The following GPHN variants were observed in gnomAD, a reference collection of about 807,000 sequenced individuals.
GPHN encodes the protein gephyrin.
A neutral mutation model predicts 95.5 loss-of-function variants in GPHN; 17 were observed. The ratio of observed to expected loss-of-function variants is 0.18; its 90% CI spans 0.12 to 0.27. GPHN has a LOEUF of 0.27. GPHN is among the 10% of genes least tolerant of loss of function. The pLI is 1.00. For missense variants in GPHN, 660 were observed against 978.1 expected (o/e 0.67, Z 4.34); for synonymous variants, 320 against 322.5 (o/e 0.99, Z 0.08).
the GPHN span, chr14:67,390,630 TG>T: frequency 1.4e-6 from 2 of 1,470,780 alleles, no homozygotes; most frequent in Non-Finnish European, 1.9e-6. Flanking sequence ...CATCACAACA[TG>T]GGACCAACAT....
At chr14:67,597,767 A>AAGAAAG in the GPHN span, among the ~76,000 whole-genome samples, 1 of 47,198 alleles carries the variant, frequency 2.1e-5, no homozygotes, top group Admixed American at 2.7e-4. Flanking sequence ...GTTTAAAAAA[A>AAGAAAG]AAAAAGACAT....
At chr14:66,824,137 A>G (rs2061309681) in intron 3 of GPHN, among the ~76,000 whole-genome samples, 2 of 152,196 alleles carry the variant, frequency 1.3e-5, no homozygotes, top group African/African-American at 4.8e-5. Context: ...TCTAATCTCT[A>G]TAACTGTCAT....
the GPHN span, among the ~76,000 whole-genome samples, chr14:67,625,075 G>C: frequency 9.2e-5 from 14 of 152,154 alleles, no homozygotes; most frequent in South Asian, 2.5e-3. Context: ...CATTCACAAG[G>C]CTGTCTTTAT....
chr14:67,561,813 T>A, the GPHN span: 1 of 659,568 alleles, frequency 1.5e-6, no homozygotes, highest in Non-Finnish European at 2.6e-6. Flanking sequence ...AAGGCTGCAG[T>A]GAGCCAAAAT....
At position 66,521,273 on chromosome 14, in the gene GPHN, C is replaced by T. The variant is rs1022924816; in HGVS notation, c.64+12682C>T. On this transcript the variant is annotated intron_variant, in intron 1 of 22. Coordinates refer to ENST00000478722, the MANE Select transcript of GPHN (RefSeq NM_020806.5). ...TGGTCAGAGGAAATTTTTTTTTTCT[C>T]GTGACATTTGTATATAAACTTCCAG... 3.3e-5 allele frequency among the ~76,000 whole-genome samples: 5 copies of T among 151,150 alleles called. No homozygotes were observed. In the East Asian group the frequency reaches 5.8e-4, roughly 18 times the overall value.
At chr14:66,682,118 G>A (rs927059192) in intron 2 of GPHN, among the ~76,000 whole-genome samples, 5 of 152,144 alleles carry the variant, frequency 3.3e-5, no homozygotes, top group African/African-American at 1.2e-4. Context: ...AAATATGAGA[G>A]TGCTGAAAAT....
chr14:66,974,632 C>A (rs2070085152), intron 9 of GPHN, among the ~76,000 whole-genome samples: 1 of 151,938 alleles, frequency 6.6e-6, no homozygotes, highest in African/African-American at 2.4e-5. Context: ...TGTATAGTTT[C>A]TTTTTTGTTT....
At chr14:67,387,595 G>C in the GPHN span, 1 of 899,376 alleles carries the variant, frequency 1.1e-6, no homozygotes, top group Non-Finnish European at 1.6e-6. Context: ...TACAGTTAGA[G>C]AATCCTATCA....
chr14:67,689,988 A>C, the GPHN span: 1 of 516,106 alleles, frequency 1.9e-6, no homozygotes, highest in Non-Finnish European at 3.5e-6. Flanking sequence ...TCACACAGCT[A>C]GTAAGTAGTA....
the GPHN span, among the ~76,000 whole-genome samples, chr14:67,712,322 G>A: frequency 3.0e-4 from 46 of 152,154 alleles, 1 homozygote; most frequent in African/African-American, 1.1e-3. Context: ...TAAACCATGT[G>A]ATGCTTTTAT....
the GPHN span, among the ~76,000 whole-genome samples, chr14:67,363,772 A>G: frequency 6.6e-6 from 1 of 152,340 alleles, no homozygotes; most frequent in African/African-American, 2.4e-5. Context: ...GCAGGTGCCA[A>G]TTAATAAGTT....
At chr14:67,328,797 G>A in the GPHN span, among the ~76,000 whole-genome samples, 1 of 152,098 alleles carries the variant, frequency 6.6e-6, no homozygotes, top group Non-Finnish European at 1.5e-5. Context: ...TAGATGTGTG[G>A]TATTATTTCT....
intron 4 of GPHN, among the ~76,000 whole-genome samples, chr14:66,825,059 A>C (rs1190777000): frequency 6.6e-6 from 1 of 152,214 alleles, no homozygotes. Context: ...TGCAGAATTT[A>C]ATGAGCCCAA....
At chr14:66,881,951 G>GT (rs2063949508) in intron 5 of GPHN, among the ~76,000 whole-genome samples, 1 of 151,780 alleles carries the variant, frequency 6.6e-6, no homozygotes, top group African/African-American at 2.4e-5. Flanking sequence ...AGACATAGTA[G>GT]TTTACATTAG....
At chr14:67,100,449 A>ATT (rs967199918) in intron 12 of GPHN, among the ~76,000 whole-genome samples, 3 of 152,146 alleles carry the variant, frequency 2.0e-5, no homozygotes, top group African/African-American at 7.2e-5. Context: ...TGATAAATCC[A>ATT]TTTATATATA....
At chr14:66,578,654 G>GAAAAAAAAAAAAAAAA (rs574302625) in intron 1 of GPHN, among the ~76,000 whole-genome samples, 1 of 59,680 alleles carries the variant, frequency 1.7e-5, no homozygotes. Flanking sequence ...GGGATAGAGT[G>GAAAAAAAAAAAAAAAA]AAAAAAAAAA....
intron 4 of GPHN, among the ~76,000 whole-genome samples, chr14:66,826,346 T>A (rs1566986048): frequency 6.6e-6 from 1 of 152,088 alleles, no homozygotes; most frequent in Non-Finnish European, 1.5e-5. Context: ...AAATGTGGGT[T>A]TTTTTACTCG....
chr14:67,292,526 T>G, the GPHN span: 9 of 1,610,868 alleles, frequency 5.6e-6, no homozygotes, highest in Non-Finnish European at 7.6e-6. Flanking sequence ...GAAGACTTGT[T>G]TTCTTCACTT....
At chr14:66,801,710 T>C (rs770493721) in intron 3 of GPHN, among the ~76,000 whole-genome samples, 23 of 147,532 alleles carry the variant, frequency 1.6e-4, no homozygotes, top group Non-Finnish European at 3.1e-4. Context: ...TCTCTAGGAC[T>C]GCACTGGATC....
Sources: allele counts gnomAD v4.1 joint callset (sites outside exome capture counted in the v4.1 genomes callset), GRCh38; gene constraint gnomAD v4.1.1; transcripts MANE v1.5; gene names NCBI Gene and HGNC (gene_info 2026-07-23, HGNC 2026-07-21).